The following WWOX variants were observed in gnomAD, a reference collection of about 807,000 sequenced individuals.
WWOX encodes WW domain containing oxidoreductase.
In WWOX, 69 loss-of-function variants were observed where a neutral mutation model predicts 46.2. The ratio of observed to expected loss-of-function variants is 1.49; its 90% CI spans 1.23 to 1.82. The LOEUF (loss-of-function observed/expected upper bound fraction) is 1.82. Among genes scored for constraint, WWOX ranks in the 40% most tolerant of loss-of-function variants. WWOX has a pLI of 0.00. For synonymous variants in WWOX, 359 were observed against 202.6 expected, an observed-to-expected ratio of 1.77 and a Z score of -6.56; for missense variants, 919 against 542.6, an observed-to-expected ratio of 1.69 and a Z score of -6.89.
At chr16:78,409,581 C>G (rs1002206662) in intron 6 of WWOX, among the ~76,000 whole-genome samples, 1 of 152,172 alleles carries the variant, frequency 6.6e-6, no homozygotes, top group Non-Finnish European at 1.5e-5. Flanking sequence ...CATACACTAT[C>G]TCACTCTGTT....
chr16:78,350,509 A>T (rs2081164795), intron 5 of WWOX, among the ~76,000 whole-genome samples: 1 of 121,200 alleles, frequency 8.3e-6, no homozygotes, highest in Non-Finnish European at 2.0e-5. Flanking sequence ...TTCTGTCTCT[A>T]TATAGATTTG....
Position 78,345,594 on chromosome 16 carries a change from C to A in WWOX, c.517-41266C>A, listed in dbSNP as rs1237131111. On this transcript the variant is annotated intron_variant, in intron 5 of 8. Transcript: ENST00000566780. ...AGTCAAGGCTACAGTGAGCTGTGAT[C>A]CTGTCTCTACACCTCAGTCTGGGTG... 4.5e-5 allele frequency among the ~76,000 whole-genome samples: 4 copies of A among 88,796 alleles called. 1 individual carries two copies. The highest frequency in any genetic ancestry group is 1.0e-4 in the Non-Finnish European group (4 of 39,412). The allele number at this position is 88,796 out of a possible 152,430, so 58.3% of individuals were successfully genotyped here. A position where few individuals can be genotyped will look rare whatever the true frequency, so the allele number is the denominator to read the frequency against.
intron 8 of WWOX, among the ~76,000 whole-genome samples, chr16:78,722,736 A>C (rs2142357487): frequency 6.7e-6 from 1 of 149,844 alleles, no homozygotes; most frequent in Non-Finnish European, 1.5e-5. Context: ...TAAATAAACA[A>C]AGGAATAGAA....
intron 8 of WWOX, among the ~76,000 whole-genome samples, chr16:79,198,120 T>A (rs917316181): frequency 9.4e-5 from 14 of 148,926 alleles, no homozygotes; most frequent in Non-Finnish European, 1.8e-4. Flanking sequence ...AGGACAGGAG[T>A]TGGAGACCAG....
intron 8 of WWOX, among the ~76,000 whole-genome samples, chr16:78,668,328 C>G (rs1289044178): frequency 6.6e-6 from 1 of 152,134 alleles, no homozygotes; most frequent in Non-Finnish European, 1.5e-5. Context: ...ACCCCCACGC[C>G]TGTCTTTTCT....
chr16:79,152,989 T>C (rs8050187), intron 8 of WWOX, among the ~76,000 whole-genome samples: 48,657 of 151,694 alleles, frequency 0.32, 8,162 homozygotes, highest in East Asian at 0.49. Flanking sequence ...CTGGGGGAAA[T>C]ACAAGGAAGG....
At chr16:79,161,858 C>T (rs1264663905) in intron 8 of WWOX, among the ~76,000 whole-genome samples, 1 of 152,168 alleles carries the variant, frequency 6.6e-6, no homozygotes, top group East Asian at 1.9e-4. Flanking sequence ...TCTGTCACCT[C>T]CCTGGACTGT....
chr16:78,247,812 G>T (rs577279291), intron 5 of WWOX, among the ~76,000 whole-genome samples: 58 of 152,162 alleles, frequency 3.8e-4, no homozygotes, highest in Non-Finnish European at 7.8e-4. Context: ...ACCCAAGCAG[G>T]CATTGATGGA....
chr16:78,410,443 T>C (rs1358304055), intron 6 of WWOX, among the ~76,000 whole-genome samples: 2 of 152,086 alleles, frequency 1.3e-5, no homozygotes, highest in Admixed American at 1.3e-4. Flanking sequence ...GTTACTATTT[T>C]TGTGACTCAG....
At chr16:78,737,508 A>G (rs1418788379) in intron 8 of WWOX, among the ~76,000 whole-genome samples, 1 of 151,934 alleles carries the variant, frequency 6.6e-6, no homozygotes, top group Non-Finnish European at 1.5e-5. Flanking sequence ...TTTAGTGATG[A>G]TTTCTGAGAT....
chr16:78,316,749 G>T (rs1011875080), intron 5 of WWOX, among the ~76,000 whole-genome samples: 9 of 152,088 alleles, frequency 5.9e-5, no homozygotes, highest in Admixed American at 2.6e-4. Flanking sequence ...CTGGAAAATG[G>T]TGATGGTAAA....
Position 78,119,961 on chromosome 16 carries a change from G to A in WWOX, c.409+4807G>A, listed in dbSNP as rs1411778429. Among the ~76,000 whole-genome samples, 165 of 152,188 alleles carry A rather than the reference G, an allele frequency of 1.1e-3. 1 individual carries two copies. Among genetic ancestry groups the A allele is most frequent in the Non-Finnish European group, 2.1e-4 (14 of 68,000 alleles). On this transcript the variant is annotated intron_variant, in intron 4 of 8. Coordinates refer to ENST00000566780, the MANE Select transcript of WWOX (RefSeq NM_016373.4). The stretch of plus-strand genomic sequence containing the variant: ...AACGCTGGGCTGCATCATGTGTGTT[G>A]TAACTTTAAAGTTAGAATAGCCTAG...
chr16:78,982,698 G>A (rs1383588922), intron 8 of WWOX, among the ~76,000 whole-genome samples: 1 of 152,142 alleles, frequency 6.6e-6, no homozygotes, highest in Admixed American at 6.5e-5. Flanking sequence ...CCTCAAACAT[G>A]TATGCTTATT....
intron 8 of WWOX, among the ~76,000 whole-genome samples, chr16:78,525,019 C>G (rs1311527053): frequency 6.6e-6 from 1 of 150,768 alleles, no homozygotes; most frequent in East Asian, 2.0e-4. Flanking sequence ...GCTCATGCCA[C>G]CACACTTGGC....
intron 8 of WWOX, among the ~76,000 whole-genome samples, chr16:78,957,004 G>A (rs977759321): frequency 1.3e-5 from 2 of 151,878 alleles, no homozygotes; most frequent in African/African-American, 4.9e-5. Context: ...GGCAGCTTGA[G>A]GACTCCGTGT....
chr16:78,462,012 T>A (rs1375012697), intron 8 of WWOX, among the ~76,000 whole-genome samples: 1 of 152,244 alleles, frequency 6.6e-6, no homozygotes, highest in African/African-American at 2.4e-5. Context: ...TAAACTCCTC[T>A]GGTTTTAGCC....
At chr16:78,804,856 T>G (rs2050988235) in intron 8 of WWOX, among the ~76,000 whole-genome samples, 1 of 152,246 alleles carries the variant, frequency 6.6e-6, no homozygotes, top group Non-Finnish European at 1.5e-5. Flanking sequence ...ATCCTTAGGA[T>G]GTAGCCATGA....
chr16:78,176,650 T>C (rs1479326860), intron 5 of WWOX, among the ~76,000 whole-genome samples: 1 of 152,134 alleles, frequency 6.6e-6, no homozygotes, highest in Non-Finnish European at 1.5e-5. Flanking sequence ...TTCAGATTTA[T>C]GACTCTGGGA....
At chr16:78,404,162 CAGAG>C (rs1048351457) in intron 6 of WWOX, among the ~76,000 whole-genome samples, 1 of 151,992 alleles carries the variant, frequency 6.6e-6, no homozygotes, top group African/African-American at 2.4e-5. Context: ...ATAATGGTAA[CAGAG>C]GGAGGGACTC....
Sources: allele counts gnomAD v4.1 joint callset (sites outside exome capture counted in the v4.1 genomes callset), GRCh38; gene constraint gnomAD v4.1.1; transcripts MANE v1.5; gene names NCBI Gene and HGNC (gene_info 2026-07-23, HGNC 2026-07-21).